DYM: variants seen among roughly 807,000 people sequenced by gnomAD.
DYM encodes dymeclin.
DYM carries 78 observed loss-of-function variants against 93.1 expected under a neutral mutation model. That is an observed-to-expected ratio of 0.84 (90% confidence interval 0.70 to 1.01). The LOEUF is 1.01. Among genes scored for constraint, DYM ranks in the 50% least tolerant of loss-of-function variants. The pLI is 0.00. For synonymous variants in DYM, 321 were observed against 319.7 expected, an observed-to-expected ratio of 1.00 and a Z score of -0.04; for missense variants, 789 against 845.0, an observed-to-expected ratio of 0.93 and a Z score of 0.82.
intron 14 of DYM, among the ~76,000 whole-genome samples, chr18:49,164,573 G>A (rs779737435): frequency 1.3e-5 from 2 of 152,202 alleles, no homozygotes; most frequent in African/African-American, 2.4e-5. Flanking sequence ...ATTTTGCAAG[G>A]TGGAATACTA....
intron 15 of DYM, among the ~76,000 whole-genome samples, chr18:49,159,230 A>T (rs2086809057): frequency 2.0e-5 from 3 of 152,222 alleles, no homozygotes; most frequent in Admixed American, 6.5e-5. Context: ...AATGAATTTG[A>T]GATCTAAGTT....
intron 14 of DYM, among the ~76,000 whole-genome samples, chr18:49,167,581 C>T (rs1004040542): frequency 1.3e-5 from 2 of 152,076 alleles, no homozygotes; most frequent in African/African-American, 2.4e-5. Flanking sequence ...AAAATGTATA[C>T]GAGACATGAC....
intron 17 of DYM, among the ~76,000 whole-genome samples, chr18:49,045,530 G>A (rs771331562): frequency 5.3e-5 from 8 of 152,216 alleles, no homozygotes; most frequent in Non-Finnish European, 1.0e-4. Context: ...CTGCTGGCAG[G>A]TGCCAGGCAG....
In DYM at chr18:49,295,634, T is replaced by A. The variant is rs139454301; in HGVS notation, c.764-9018A>T. 3.8e-3 allele frequency among the ~76,000 whole-genome samples: 581 copies of A among 152,302 alleles called. 11 individuals are homozygous for A. The highest frequency in any genetic ancestry group is 0.013 in the African/African-American group (551 of 41,570). The stretch of plus-strand genomic sequence containing the variant: ...GCCTCTAGACTAGTTTAGACTTCCA[T>A]GTGAGAGAAATATAAGCCTTCTCTC... On this transcript the variant is annotated intron_variant, in intron 8 of 17. Transcript: ENST00000675505.
intron 17 of DYM, among the ~76,000 whole-genome samples, chr18:49,084,040 T>A (rs539365099): frequency 6.6e-6 from 1 of 152,274 alleles, no homozygotes; most frequent in African/African-American, 2.4e-5. Flanking sequence ...GAGGTTTAAT[T>A]TGCTTTTCTT....
chr18:49,215,552 A>G (rs1030325620), intron 13 of DYM, among the ~76,000 whole-genome samples: 1 of 152,230 alleles, frequency 6.6e-6, no homozygotes, highest in South Asian at 2.1e-4. Flanking sequence ...TGGGCTGGCC[A>G]TTCCTAAAAT....
chr18:49,139,733 T>C (rs1215643630), intron 15 of DYM, among the ~76,000 whole-genome samples: 1 of 152,184 alleles, frequency 6.6e-6, no homozygotes, highest in Non-Finnish European at 1.5e-5. Flanking sequence ...AATCTGGGTC[T>C]GTGAGTGCTG....
intron 17 of DYM, among the ~76,000 whole-genome samples, chr18:49,080,496 G>A (rs2077818422): frequency 6.9e-6 from 1 of 144,982 alleles, no homozygotes; most frequent in Non-Finnish European, 1.5e-5. Context: ...GGACGGGGCG[G>A]CTGGCCGGGC....
intron 16 of DYM, among the ~76,000 whole-genome samples, chr18:49,106,100 G>T (rs961288428): frequency 3.9e-5 from 6 of 152,130 alleles, no homozygotes; most frequent in African/African-American, 1.2e-4. Flanking sequence ...TCCTGTATTG[G>T]GTGCATATAT....
chr18:49,242,014 C>T (rs947141216), intron 13 of DYM, among the ~76,000 whole-genome samples: 3 of 152,180 alleles, frequency 2.0e-5, no homozygotes, highest in Non-Finnish European at 2.9e-5. Context: ...GTTCTTCAGG[C>T]GTCTTTCTGC....
At chr18:49,053,835 G>A (rs536357142) in intron 17 of DYM, among the ~76,000 whole-genome samples, 138 of 152,312 alleles carry the variant, frequency 9.1e-4, no homozygotes, top group African/African-American at 3.2e-3. Context: ...CAGCTAAACA[G>A]GAGGCATTTG....
At chr18:49,095,611 A>G (rs535686740) in intron 17 of DYM, among the ~76,000 whole-genome samples, 107 of 152,314 alleles carry the variant, frequency 7.0e-4, no homozygotes, top group Non-Finnish European at 1.3e-3. Flanking sequence ...CTTGGCCTCA[A>G]TAGGATCTTG....
intron 14 of DYM, among the ~76,000 whole-genome samples, chr18:49,202,093 G>A (rs983674800): frequency 6.6e-6 from 1 of 152,150 alleles, no homozygotes; most frequent in Non-Finnish European, 1.5e-5. Context: ...TCACTTAGCC[G>A]AAAACTTTCT....
chr18:49,060,931 G>C (rs1332356827), intron 17 of DYM, among the ~76,000 whole-genome samples: 2 of 152,078 alleles, frequency 1.3e-5, no homozygotes, highest in Non-Finnish European at 2.9e-5. Context: ...CTGAGAAAAA[G>C]ATTTGAACCA....
chr18:49,181,858 G>A (rs1410994700), intron 14 of DYM, among the ~76,000 whole-genome samples: 1 of 151,886 alleles, frequency 6.6e-6, no homozygotes, highest in African/African-American at 2.4e-5. Flanking sequence ...GGCTTAATTT[G>A]TTGTTCTTTT....
chr18:49,124,842 T>G (rs1460951943), intron 15 of DYM, among the ~76,000 whole-genome samples: 1 of 152,232 alleles, frequency 6.6e-6, no homozygotes, highest in African/African-American at 2.4e-5. Flanking sequence ...CTAGAAAGAA[T>G]CTTCTGTATT....
rs150063450 is a variant in DYM at position 49,276,130 on chromosome 18, C to T, written c.1126-3827G>A. Among the ~76,000 whole-genome samples, 23 of 152,174 alleles carry T rather than the reference C, an allele frequency of 1.5e-4. 1 individual carries two copies. The highest frequency in any genetic ancestry group is 5.3e-4 in the African/African-American group (22 of 41,544). On this transcript the variant is annotated intron_variant, in intron 10 of 17. Coordinates refer to ENST00000675505, the MANE Select transcript of DYM (RefSeq NM_001353214.3). Reference sequence around the variant, plus strand: ...TGTTGAATGAAATGGCAAAAGCAGACATCCTTGTTTTGTGGCTGATCTCGG... The same window carrying T: ...TGTTGAATGAAATGGCAAAAGCAGATATCCTTGTTTTGTGGCTGATCTCGG...
chr18:49,353,778 T>A (rs769405525), intron 6 of DYM, among the ~76,000 whole-genome samples: 50 of 152,030 alleles, frequency 3.3e-4, no homozygotes, highest in Non-Finnish European at 4.7e-4. Flanking sequence ...AGAAATCAAA[T>A]AACTAAATAA....
At chr18:49,246,637 GA>G (rs1598881665) in intron 13 of DYM, among the ~76,000 whole-genome samples, 1 of 152,130 alleles carries the variant, frequency 6.6e-6, no homozygotes, top group East Asian at 1.9e-4. Context: ...GTAAAATGTG[GA>G]AATTTGCCTT....
Sources: allele counts gnomAD v4.1 joint callset (sites outside exome capture counted in the v4.1 genomes callset), GRCh38; gene constraint gnomAD v4.1.1; transcripts MANE v1.5; gene names NCBI Gene and HGNC (gene_info 2026-07-23, HGNC 2026-07-21).